The following ISM1 variants were observed in gnomAD, a reference collection of about 807,000 sequenced individuals.
The protein encoded by ISM1 is isthmin 1.
In ISM1, 25 loss-of-function variants were observed where a neutral mutation model predicts 46.3. The observed-to-expected ratio is 0.54, with a 90% confidence interval of 0.39 to 0.75. The LOEUF (loss-of-function observed/expected upper bound fraction) is 0.75. Among genes scored for constraint, ISM1 ranks in the 30% least tolerant of loss-of-function variants. ISM1 has a pLI of 0.00. For synonymous variants in ISM1, 255 were observed against 256.7 expected (o/e 0.99, Z 0.06); for missense variants, 536 against 625.4 (o/e 0.86, Z 1.52).
chr20:13,323,611 A>G, the ISM1 span, among the ~76,000 whole-genome samples: 1 of 152,246 alleles, frequency 6.6e-6, no homozygotes, highest in Non-Finnish European at 1.5e-5. Context: ...TTTAATCTTT[A>G]TAACTACCAT....
intron 1 of ISM1, among the ~76,000 whole-genome samples, chr20:13,226,063 T>C (rs977595369): frequency 6.6e-6 from 1 of 152,220 alleles, no homozygotes; most frequent in Non-Finnish European, 1.5e-5. Flanking sequence ...TCAGAACTCA[T>C]TAAGGCAGTG....
intron 1 of ISM1, among the ~76,000 whole-genome samples, chr20:13,266,740 A>C (rs796980946): frequency 3.0e-4 from 45 of 152,302 alleles, no homozygotes; most frequent in African/African-American, 1.0e-3. Flanking sequence ...GACTTTCCTA[A>C]GGTATCATTT....
At chr20:13,278,350 G>A (rs949310620) in intron 2 of ISM1, among the ~76,000 whole-genome samples, 1 of 152,188 alleles carries the variant, frequency 6.6e-6, no homozygotes, top group Non-Finnish European at 1.5e-5. Flanking sequence ...GGAGTGTGAA[G>A]GCTAGGATGA....
the ISM1 span, among the ~76,000 whole-genome samples, chr20:13,312,298 G>A: frequency 1.4e-4 from 21 of 152,196 alleles, no homozygotes; most frequent in Non-Finnish European, 2.6e-4. Flanking sequence ...TGAGTTCACA[G>A]TCGGCATGTG....
Position 13,221,465 on chromosome 20 carries a change from T to TGTC in ISM1, c.-312_-311insGTC, listed in dbSNP as rs2039445704. Among the ~76,000 whole-genome samples, 1 of 142,142 alleles carries TGTC rather than the reference T, an allele frequency of 7.0e-6. No homozygotes were observed. Among genetic ancestry groups the TGTC allele is most frequent in the Admixed American group, 6.9e-5 (1 of 14,420 alleles). The allele number at this position is 142,142 out of a possible 152,430, so 93.3% of individuals were successfully genotyped here. A position where few individuals can be genotyped will look rare whatever the true frequency, so the allele number is the denominator to read the frequency against. On this transcript the variant is annotated 5_prime_UTR_variant, in exon 1 of 6. Transcript: ENST00000262487. ...GGGCTGTCCCGGGACCCAGTCTCCG[T>TGTC]CTCCGCCGCCGCCGCCGCCAGGCAG...
intron 5 of ISM1, among the ~76,000 whole-genome samples, chr20:13,294,871 G>C (rs1429774689): frequency 6.6e-6 from 1 of 152,146 alleles, no homozygotes. Context: ...CTGAAGCACA[G>C]CAAGGTAAAA....
intron 2 of ISM1, 91 bp from the exon 3 acceptor site, chr20:13,279,543 T>G: frequency 7.8e-7 from 1 of 1,286,328 alleles, no homozygotes; most frequent in Non-Finnish European, 1.1e-6. Flanking sequence ...ATCCATCATT[T>G]CCCTCTGCCC....
chr20:13,325,550 C>G, the ISM1 span, among the ~76,000 whole-genome samples: 3 of 152,112 alleles, frequency 2.0e-5, no homozygotes, highest in Admixed American at 2.0e-4. Flanking sequence ...TTTCCTGGAA[C>G]AGTTACCTAG....
chr20:13,237,627 G>A (rs1040332610), intron 1 of ISM1, among the ~76,000 whole-genome samples: 4 of 152,224 alleles, frequency 2.6e-5, no homozygotes, highest in Non-Finnish European at 5.9e-5. Flanking sequence ...TCTAGGCATT[G>A]GTTGCCTAGG....
chr20:13,221,843 G>T lies in ISM1; in HGVS notation c.67G>T (p.Val23Leu). 2 of 1,443,626 alleles carry T rather than the reference G, an allele frequency of 1.4e-6. No homozygotes were observed. The highest frequency in any genetic ancestry group is 1.5e-5 in the African/African-American group (1 of 67,542). 89.4% of individuals were successfully genotyped at this position (1,443,626 alleles called of 1,614,324 possible). Residue 23 changes from valine to leucine, a missense_variant, in exon 1 of 6, where the codon GTG becomes TTG. This residue lies in a region of ISM1 where 367 missense variants were observed against 376.1 expected (regional missense o/e 0.98). Coordinates refer to ENST00000262487, the MANE Select transcript of ISM1 (RefSeq NM_080826.2). Reference protein sequence around the residue: ...GLLLLTLHITVLRGSGAADGP... With the variant: ...GLLLLTLHITLLRGSGAADGP... ...GCTGCTGCTCACGCTGCACATCACCGTGCTGCGCGGCTCGGGAGCCGCCGA... is the reference window on the plus strand; with the variant it reads ...GCTGCTGCTCACGCTGCACATCACCTTGCTGCGCGGCTCGGGAGCCGCCGA...
At chr20:13,243,950 G>A (rs1002006509) in intron 1 of ISM1, 3 of 152,204 alleles carry the variant, frequency 2.0e-5, no homozygotes, top group Non-Finnish European at 4.4e-5. Context: ...TTTGCTTAGT[G>A]GAATGAGGAT....
At chr20:13,245,701 T>C (rs756533733) in intron 1 of ISM1, among the ~76,000 whole-genome samples, 4 of 152,204 alleles carry the variant, frequency 2.6e-5, no homozygotes, top group Non-Finnish European at 5.9e-5. Flanking sequence ...ATTTCATTTC[T>C]CATTTCTCTC....
chr20:13,274,576 C>T (rs1383804572), intron 2 of ISM1, among the ~76,000 whole-genome samples: 1 of 152,200 alleles, frequency 6.6e-6, no homozygotes, highest in Non-Finnish European at 1.5e-5. Flanking sequence ...AAGTGTTTCC[C>T]ACGCTCCAGG....
At chr20:13,242,352 GATTT>G (rs2039736291) in intron 1 of ISM1, among the ~76,000 whole-genome samples, 1 of 152,204 alleles carries the variant, frequency 6.6e-6, no homozygotes, top group African/African-American at 2.4e-5. Flanking sequence ...AAAGGAGCAG[GATTT>G]GTTTGTTCAG....
intron 1 of ISM1, among the ~76,000 whole-genome samples, chr20:13,248,953 T>C (rs965919226): frequency 5.3e-5 from 8 of 152,190 alleles, no homozygotes; most frequent in African/African-American, 1.9e-4. Context: ...GTGCTGTAAC[T>C]TCTTAAGCGG....
chr20:13,236,915 G>T (rs1334797686), intron 1 of ISM1, among the ~76,000 whole-genome samples: 1 of 152,194 alleles, frequency 6.6e-6, no homozygotes, highest in Non-Finnish European at 1.5e-5. Context: ...GCTTTCAGGG[G>T]CTGGCATTGA....
intron 1 of ISM1, among the ~76,000 whole-genome samples, chr20:13,265,695 T>C (rs1283197961): frequency 6.6e-6 from 1 of 152,210 alleles, no homozygotes; most frequent in Non-Finnish European, 1.5e-5. Context: ...GGTGCAAAAG[T>C]AATGGCGGTT....
At chr20:13,288,790 T>C in intron 4 of ISM1, 107 bp downstream of exon 4, 1 of 1,178,438 alleles carries the variant, frequency 8.5e-7, no homozygotes, top group Non-Finnish European at 1.2e-6. Context: ...ACTTTTCTTT[T>C]CTTTTTTTTT....
At chr20:13,260,598 T>A (rs1254319337) in intron 1 of ISM1, among the ~76,000 whole-genome samples, 1 of 149,864 alleles carries the variant, frequency 6.7e-6, no homozygotes, top group African/African-American at 2.5e-5. Context: ...TGGAATAAAG[T>A]GGAGTTTTTT....
Sources: allele counts gnomAD v4.1 joint callset (sites outside exome capture counted in the v4.1 genomes callset), GRCh38; gene constraint gnomAD v4.1.1; regional missense constraint gnomAD v4.1.1; transcripts MANE v1.5; gene names NCBI Gene and HGNC (gene_info 2026-07-23, HGNC 2026-07-21).